The following C2CD2 variants were observed in gnomAD, a reference collection of about 807,000 sequenced individuals.
The protein encoded by C2CD2 is C2 calcium dependent domain containing 2.
Under a neutral mutation model 74.3 loss-of-function variants are expected in C2CD2, and 43 were observed. The ratio of observed to expected loss-of-function variants is 0.58; its 90% CI spans 0.45 to 0.75. C2CD2 has a LOEUF of 0.75. Ranked by LOEUF, C2CD2 falls within the 30% of genes least tolerant of loss-of-function variation. C2CD2 has a pLI of 0.00. For missense variants in C2CD2, 801 were observed against 916.3 expected, an observed-to-expected ratio of 0.87 and a Z score of 1.63; for synonymous variants, 422 against 390.7, an observed-to-expected ratio of 1.08 and a Z score of -0.94.
intron 1 of C2CD2, among the ~76,000 whole-genome samples, chr21:41,944,415 G>A (rs1030894626): frequency 2.6e-5 from 4 of 151,604 alleles, no homozygotes; most frequent in African/African-American, 4.9e-5. Context: ...CCAGCTACTC[G>A]GGAGGCTGAG....
chr21:41,921,900 C>CA, intron 3 of C2CD2, 72 bp downstream of exon 3: 1 of 923,340 alleles, frequency 1.1e-6, no homozygotes, highest in African/African-American at 1.6e-5. Flanking sequence ...CTCTGACTCA[C>CA]ACCATGCTCA....
rs991515079 is a variant in C2CD2 at position 41,948,736 on chromosome 21, C to T, written c.279+4634G>A. Among the ~76,000 whole-genome samples the T allele has an allele frequency of 7.9e-5, 12 of 152,144 alleles. 1 individual carries two copies. The highest frequency in any genetic ancestry group is 1.0e-4 in the Non-Finnish European group (7 of 67,998). ...GTCATTGGTCAAGGAGTTTGGACTT[C>T]GTGAGCACAACTGGAAGGTCATTAT... On this transcript the variant is annotated intron_variant, in intron 1 of 13. Coordinates refer to ENST00000380486, the MANE Select transcript of C2CD2 (RefSeq NM_015500.2).
In C2CD2 at chr21:41,924,276, C is replaced by T. The variant is rs2065185388; in HGVS notation, c.379-2191G>A. 6.6e-6 allele frequency among the ~76,000 whole-genome samples: 1 copy of T among 152,184 alleles called. No homozygotes were observed. The highest frequency in any genetic ancestry group is 2.4e-5 in the African/African-American group (1 of 41,442). On this transcript the variant is annotated intron_variant, in intron 2 of 13. Coordinates refer to ENST00000380486, the MANE Select transcript of C2CD2 (RefSeq NM_015500.2). The surrounding 1 kb of genome is among the most constrained non-coding windows in gnomAD (Gnocchi z 4.4). ...CCAGCTCTTCCCACCAGTGGCCCAT[C>T]CCACTCTGGAACAAAAACGGAACCT... is the stretch of plus-strand genomic sequence containing the variant.
intron 12 of C2CD2, chr21:41,900,907 A>C (rs555094754): frequency 6.6e-6 from 1 of 152,398 alleles, no homozygotes; most frequent in African/African-American, 2.4e-5. Flanking sequence ...GACCAGCCTG[A>C]GCAATGTGGT....
intron 5 of C2CD2, among the ~76,000 whole-genome samples, chr21:41,915,660 G>A (rs932752625): frequency 2.0e-5 from 3 of 152,026 alleles, no homozygotes; most frequent in Non-Finnish European, 2.9e-5. Flanking sequence ...GGCTGGTCTC[G>A]AAATCTCCAC....
At chr21:41,950,840 T>C (rs1301452657) in intron 1 of C2CD2, among the ~76,000 whole-genome samples, 1 of 152,194 alleles carries the variant, frequency 6.6e-6, no homozygotes, top group Non-Finnish European at 1.5e-5. Context: ...AATTCCACTT[T>C]TCAGACAGAA....
intron 2 of C2CD2, among the ~76,000 whole-genome samples, chr21:41,922,353 T>G (rs2065164512): frequency 6.6e-6 from 1 of 152,146 alleles, no homozygotes; most frequent in African/African-American, 2.4e-5. Context: ...TTTGTAAAGA[T>G]GGGCTCTACC....
At chr21:41,931,647 C>G (rs947662011) in intron 2 of C2CD2, among the ~76,000 whole-genome samples, 5 of 149,826 alleles carry the variant, frequency 3.3e-5, no homozygotes, top group African/African-American at 1.2e-4. Flanking sequence ...GGTCTTGATC[C>G]CCTGACCTCG....
In C2CD2 at chr21:41,899,107, G is replaced by A; in HGVS notation, c.1816C>T (p.Leu606=). ...QVLLDPDGDE[L]SESSMSVLEP... ...AAGACACTCATGGAGCTCTCTGACA[G>A]CTCATCACCGTCGGGGTCCAGCAGG... The change falls in exon 13 of 14, where the codon CTG becomes TTG. Residue 606 remains leucine (L), a synonymous_variant. Transcript: ENST00000380486. The surrounding 1 kb of genome is among the most constrained non-coding windows in gnomAD (Gnocchi z 4.4). 1 of 1,613,988 alleles carries A rather than the reference G, an allele frequency of 6.2e-7. No homozygotes were observed. Among genetic ancestry groups the A allele is most frequent in the South Asian group, 1.1e-5 (1 of 91,084 alleles).
intron 2 of C2CD2, among the ~76,000 whole-genome samples, chr21:41,928,192 G>A (rs2065231614): frequency 6.6e-6 from 1 of 152,224 alleles, no homozygotes; most frequent in East Asian, 1.9e-4. Context: ...AGGCCACTTG[G>A]CCACACCAAC....
rs574247742 is a variant in C2CD2 at position 41,944,305 on chromosome 21, G to A, written c.280-2060C>T. 7.9e-5 allele frequency among the ~76,000 whole-genome samples: 12 copies of A among 152,128 alleles called. No individual in the cohort carries two copies. In the East Asian group the frequency reaches 1.7e-3, roughly 22 times the overall value. ...AGGCGGACGGATCACGAGGTCAGGC[G>A]ATCGAGACCATCCTGGCTAACATGG... is the stretch of plus-strand genomic sequence containing the variant. On this transcript the variant is annotated intron_variant, in intron 1 of 13. Coordinates refer to ENST00000380486, the MANE Select transcript of C2CD2 (RefSeq NM_015500.2).
chr21:41,947,553 G>A (rs1381469453), intron 1 of C2CD2, among the ~76,000 whole-genome samples: 2 of 152,186 alleles, frequency 1.3e-5, no homozygotes, highest in African/African-American at 2.4e-5. Flanking sequence ...TCATTGAGCT[G>A]TGGTTATGCA....
rs2065173808 is a variant in C2CD2 at position 41,923,141 on chromosome 21, G to A, written c.379-1056C>T. ...CTCCCGAGTGGCTGGGTTTACAGGC[G>A]TGTGCTACTACTCCCGGCTAATTTT... On this transcript the variant is annotated intron_variant, in intron 2 of 13. Coordinates refer to ENST00000380486, the MANE Select transcript of C2CD2 (RefSeq NM_015500.2). This position sits in a 1 kb window ranked among gnomAD's most constrained non-coding sequence, Gnocchi z 5.8. 6.6e-6 allele frequency among the ~76,000 whole-genome samples: 1 copy of A among 152,024 alleles called. No individual in the cohort carries two copies. The highest frequency in any genetic ancestry group is 1.5e-5 in the Non-Finnish European group (1 of 68,014).
intron 10 of C2CD2, among the ~76,000 whole-genome samples, chr21:41,906,218 C>A (rs1256483892): frequency 6.6e-6 from 1 of 152,184 alleles, no homozygotes; most frequent in Admixed American, 6.5e-5. Flanking sequence ...GTACAGAATT[C>A]AGCTGGATCT....
chr21:41,900,850 A>G (rs1254324367), intron 12 of C2CD2: 1 of 152,244 alleles, frequency 6.6e-6, no homozygotes, highest in Non-Finnish European at 1.5e-5. Flanking sequence ...TAATCCCAAC[A>G]TTTTGGAAGG....
intron 1 of C2CD2, among the ~76,000 whole-genome samples, chr21:41,952,037 TG>T (rs1416573512): frequency 6.6e-6 from 1 of 152,166 alleles, no homozygotes; most frequent in Admixed American, 6.5e-5. Context: ...GGCAGCTTCC[TG>T]GGGAAATACC....
chr21:41,934,532 A>G (rs974292655), intron 2 of C2CD2, among the ~76,000 whole-genome samples: 1 of 152,134 alleles, frequency 6.6e-6, no homozygotes, highest in Middle Eastern at 3.2e-3. Flanking sequence ...TTTTCTGACA[A>G]TATGTATCAA....
rs1232663853 is a variant in C2CD2, at chr21:41,887,200, C to T, written c.*1924G>A. On this transcript the variant is annotated 3_prime_UTR_variant, in exon 14 of 14. Transcript: ENST00000380486. ...TAAAACATTAAAGTGAACATCTGTCCCATCTGTCCCAAAAGACTAACAGTG... is the reference window on the plus strand; with the variant it reads ...TAAAACATTAAAGTGAACATCTGTCTCATCTGTCCCAAAAGACTAACAGTG... 1.3e-5 allele frequency: 2 copies of T among 152,112 alleles called. No individual in the cohort carries two copies. Among genetic ancestry groups the T allele is most frequent in the Admixed American group, 1.3e-4 (2 of 15,280 alleles). The allele number at this position is 152,112 out of a possible 1,614,324, so 9.4% of individuals were successfully genotyped here. A position where few individuals can be genotyped will look rare whatever the true frequency, so the allele number is the denominator to read the frequency against.
At chr21:41,934,222 G>A (rs2037407544) in intron 2 of C2CD2, among the ~76,000 whole-genome samples, 1 of 152,140 alleles carries the variant, frequency 6.6e-6, no homozygotes, top group African/African-American at 2.4e-5. Flanking sequence ...GAGCCCAGGA[G>A]TTCAAGACCA....
Sources: allele counts gnomAD v4.1 joint callset (sites outside exome capture counted in the v4.1 genomes callset), GRCh38; gene constraint gnomAD v4.1.1; non-coding constraint Gnocchi (gnomAD v3.1); transcripts MANE v1.5; gene names NCBI Gene and HGNC (gene_info 2026-07-23, HGNC 2026-07-21).